SELENOW: variants seen among roughly 807,000 people sequenced by gnomAD.
The protein encoded by SELENOW is selenoprotein W.
SELENOW carries 20 observed loss-of-function variants against 16.6 expected under a neutral mutation model. The observed-to-expected ratio is 1.21, with a 90% CI of 0.85 to 1.76. The LOEUF (loss-of-function observed/expected upper bound fraction) is 1.76, where lower values mean the gene tolerates loss of function less well. Among genes scored for constraint, SELENOW ranks in the 40% most tolerant of loss-of-function variants. The probability of loss-of-function intolerance (pLI) is 0.00; values close to 1 mark genes in which losing one functional copy is unlikely to be tolerated. For synonymous variants in SELENOW, 44 were observed against 46.2 expected (o/e 0.95, Z 0.19); for missense variants, 124 against 111.0 (o/e 1.12, Z -0.53).
chr19:47,779,656 A>T (rs551988575), intron 1 of SELENOW: 1 of 152,180 alleles, frequency 6.6e-6, no homozygotes, highest in African/African-American at 2.4e-5. Context: ...AGAAACTTAA[A>T]AAGTTAGCCG....
intron 1 of SELENOW, chr19:47,780,444 C>T: frequency 1.9e-6 from 1 of 528,322 alleles, no homozygotes; most frequent in Non-Finnish European, 3.4e-6. Context: ...CCTTTTTCCC[C>T]TCCCCCTTCT....
chr19:47,780,484 G>A, intron 1 of SELENOW: 1 of 561,154 alleles, frequency 1.8e-6, no homozygotes, highest in Non-Finnish European at 3.2e-6. Flanking sequence ...GGTTTTCTGT[G>A]TGTCTCTGTG....
rs753289173 is a variant in SELENOW at position 47,778,789 on chromosome 19, G to A, written c.4G>A (p.Ala2Thr). ...GCGGATGTGGCAGCCCCGAGCCATGGCTCTCGCCGTCCGAGTCGTTTATTG... is the reference window on the plus strand; with the variant it reads ...GCGGATGTGGCAGCCCCGAGCCATGACTCTCGCCGTCCGAGTCGTTTATTG... M[A>T]LAVRVVYCGA... Residue 2 changes from alanine (A) to threonine (T), a missense_variant, in exon 1 of 6, where the codon GCT (alanine) becomes ACT (threonine). Physicochemically the swap from Ala to Thr is moderately conservative, Grantham distance 58 (BLOSUM62 0). Coordinates refer to ENST00000601048, the MANE Select transcript of SELENOW (RefSeq NM_003009.4). The A allele has an allele frequency of 2.5e-6, 4 of 1,605,584 alleles. No homozygotes were observed. The African/African-American group carries it at 4.0e-5, about 16-fold the overall frequency.
At position 47,778,748 on chromosome 19, in the gene SELENOW, G is replaced by C. The variant is rs372150701; in HGVS notation, c.-38G>C. ...TCCAGGTGGGAGGTTAGTGTGGCCC[G>C]GGCGTCCGCTCCTCAGCGGATGTGG... On this transcript the variant is annotated 5_prime_UTR_variant, in exon 1 of 6. Coordinates refer to ENST00000601048, the MANE Select transcript of SELENOW (RefSeq NM_003009.4). The C allele has an allele frequency of 1.3e-6, 2 of 1,591,002 alleles. No homozygotes were observed. Among genetic ancestry groups the C allele is most frequent in the South Asian group, 1.1e-5 (1 of 87,546 alleles).
rs776514455 is a variant in SELENOW at position 47,778,730 on chromosome 19, G to T, written c.-56G>T. 2 of 1,573,612 alleles carry T rather than the reference G, an allele frequency of 1.3e-6. No individual in the cohort carries two copies. Among genetic ancestry groups the T allele is most frequent in the East Asian group, 2.4e-5 (1 of 42,390 alleles). On this transcript the variant is annotated 5_prime_UTR_variant, in exon 1 of 6. Coordinates refer to ENST00000601048, the MANE Select transcript of SELENOW (RefSeq NM_003009.4). ...TCGCGCAGACCTAGCGCGTCCAGGT[G>T]GGAGGTTAGTGTGGCCCGGGCGTCC... is the stretch of plus-strand genomic sequence containing the variant.
chr19:47,779,022 G>A, intron 1 of SELENOW: 1 of 558,656 alleles, frequency 1.8e-6, no homozygotes. Context: ...TGACACGCTG[G>A]GCATCTCGGG....
rs1967473205 is a variant in SELENOW at position 47,781,270 on chromosome 19, C to T, written c.184-20C>T. On this transcript the variant is annotated intron_variant, in intron 4 of 5. Coordinates refer to ENST00000601048, the MANE Select transcript of SELENOW (RefSeq NM_003009.4). Reference sequence around the variant, plus strand: ...TGTCTCGGTCCCAGCTCACCCCTTCCCTCTTCCTCCCCTCCCTAGAAAGGC... The same window carrying T: ...TGTCTCGGTCCCAGCTCACCCCTTCTCTCTTCCTCCCCTCCCTAGAAAGGC... The T allele has an allele frequency of 6.2e-6, 10 of 1,609,786 alleles. No homozygotes were observed. The highest frequency in any genetic ancestry group is 1.7e-4 in the Middle Eastern group (1 of 6,050).
intron 1 of SELENOW, 100 bp downstream of exon 1, chr19:47,778,914 C>T (rs1468625531): frequency 7.8e-7 from 1 of 1,275,672 alleles, no homozygotes; most frequent in Non-Finnish European, 1.1e-6. Context: ...CATGGGAGCC[C>T]TTGTATGGGA....
chr19:47,782,977 A>G (rs182248138), intron 5 of SELENOW: 1 of 152,286 alleles, frequency 6.6e-6, no homozygotes, highest in Non-Finnish European at 1.5e-5. Flanking sequence ...ATAAGCGTGA[A>G]ACCCAACCCA....
At chr19:47,783,036 C>G (rs1285541113) in intron 5 of SELENOW, 1 of 151,818 alleles carries the variant, frequency 6.6e-6, no homozygotes, top group Non-Finnish European at 1.5e-5. Context: ...ACTGCAGGGC[C>G]TGGAGCATAG....
intron 1 of SELENOW, chr19:47,780,022 C>G: frequency 2.5e-6 from 1 of 397,734 alleles, no homozygotes; most frequent in Non-Finnish European, 5.2e-6. Flanking sequence ...GCCTACCAGG[C>G]CTGTACACCA....
chr19:47,779,260 C>G (rs1967444359), intron 1 of SELENOW: 1 of 163,272 alleles, frequency 6.1e-6, no homozygotes, highest in Admixed American at 6.4e-5. Flanking sequence ...AATTGTTGGC[C>G]TCTGCCCAGT....
chr19:47,784,094 T>A (rs1053751366), intron 5 of SELENOW, 196 bp from the exon 6 acceptor site: 4 of 152,156 alleles, frequency 2.6e-5, no homozygotes, highest in African/African-American at 7.2e-5. Context: ...ATGGGTTTTT[T>A]TCACCATGTT....
At chr19:47,780,030 C>A in intron 1 of SELENOW, 1 of 412,472 alleles carries the variant, frequency 2.4e-6, no homozygotes, top group South Asian at 1.7e-5. Flanking sequence ...GGCCTGTACA[C>A]CAGATTCCAG....
intron 5 of SELENOW, chr19:47,783,231 GTC>G (rs1967495940): frequency 6.7e-6 from 1 of 149,886 alleles, no homozygotes; most frequent in Non-Finnish European, 1.5e-5. Flanking sequence ...CTAAGACGGA[GTC>G]TCTGTCGCCC....
At chr19:47,782,492 C>G (rs557191365) in intron 5 of SELENOW, 11 of 152,300 alleles carry the variant, frequency 7.2e-5, no homozygotes, top group Non-Finnish European at 1.0e-4. Context: ...TAGAATTGAC[C>G]ACTAGTTCCT....
At chr19:47,781,632 G>A (rs1967478249) in intron 5 of SELENOW, 1 of 555,334 alleles carries the variant, frequency 1.8e-6, no homozygotes, top group Non-Finnish European at 3.2e-6. Flanking sequence ...GCTGAGATGG[G>A]GTCAAAGGTA....
chr19:47,783,206 T>A (rs1046687126), intron 5 of SELENOW: 8 of 140,328 alleles, frequency 5.7e-5, no homozygotes, highest in Non-Finnish European at 1.5e-5. Flanking sequence ...GCTGGGCAAA[T>A]TTTTTTTTTT....
intron 1 of SELENOW, chr19:47,780,088 T>C (rs1258777968): frequency 2.2e-6 from 1 of 455,470 alleles, no homozygotes; most frequent in Non-Finnish European, 4.4e-6. Context: ...TATTTCACCC[T>C]GGGGACTGGG....
Sources: allele counts gnomAD v4.1 joint callset, GRCh38; gene constraint gnomAD v4.1.1; transcripts MANE v1.5; gene names NCBI Gene and HGNC (gene_info 2026-07-23, HGNC 2026-07-21).